SCD: variants seen among roughly 807,000 people sequenced by gnomAD.
The protein encoded by SCD is stearoyl-CoA desaturase, also known as acyl-CoA desaturase.
In SCD, 4 loss-of-function variants were observed where a neutral mutation model predicts 35.7. That is an observed-to-expected ratio of 0.11 (90% CI 0.06 to 0.26). The LOEUF (loss-of-function observed/expected upper bound fraction) is 0.26. Ranked by LOEUF, SCD falls within the 10% of genes least tolerant of loss-of-function variation. SCD has a pLI of 1.00. For synonymous variants in SCD, 150 were observed against 170.2 expected (o/e 0.88, Z 0.92); for missense variants, 282 against 460.7 (o/e 0.61, Z 3.55).
intron 4 of SCD, among the ~76,000 whole-genome samples, chr10:100,355,606 G>A (rs532918942): frequency 3.3e-5 from 5 of 152,342 alleles, no homozygotes; most frequent in South Asian, 4.1e-4. Context: ...TAGAACAAGT[G>A]TAAGAAACCA....
chr10:100,359,354 C>T (rs1441721816), intron 5 of SCD, among the ~76,000 whole-genome samples: 1 of 152,192 alleles, frequency 6.6e-6, no homozygotes, highest in East Asian at 1.9e-4. Flanking sequence ...TAACCTTCTC[C>T]CTTGAGCCTT....
rs1196684004 is a variant in SCD at position 100,356,862 on chromosome 10, T to A, written c.880+98T>A. 1 of 933,030 alleles carries A rather than the reference T, an allele frequency of 1.1e-6. No individual in the cohort carries two copies. The highest frequency in any genetic ancestry group is 2.6e-5 in the East Asian group (1 of 37,904). The allele number at this position is 933,030 out of a possible 1,614,324, so 57.8% of individuals were successfully genotyped here. ...ACTAGATAAATCTGTTTTTTATGGC[T>A]ACTTTGTATCTCAGTTTTTCCACTA... On this transcript the variant is annotated intron_variant, in intron 5 of 5. Transcript: ENST00000370355. This position sits in a 1 kb window ranked among gnomAD's most constrained non-coding sequence, Gnocchi z 4.1.
At chr10:100,349,996 G>A (rs374457787) in intron 2 of SCD, among the ~76,000 whole-genome samples, 1 of 151,994 alleles carries the variant, frequency 6.6e-6, no homozygotes, top group African/African-American at 2.4e-5. Flanking sequence ...AGTTTGACCC[G>A]ATTGCCTCTG....
At position 100,354,636 on chromosome 10, in the gene SCD, A is replaced by G; in HGVS notation, c.647+4A>G. 1 of 1,612,946 alleles carries G rather than the reference A, an allele frequency of 6.2e-7. No homozygotes were observed. The highest frequency in any genetic ancestry group is 8.5e-7 in the Non-Finnish European group (1 of 1,178,942). ...AACTGGTGATGTTCCAGAGGAGGTG[A>G]GTGAAGCCCTGATGGAGGTGGGGAT... On this transcript the variant is annotated splice_donor_region_variant and intron_variant, in intron 4 of 5. Transcript: ENST00000370355.
intron 5 of SCD, among the ~76,000 whole-genome samples, chr10:100,357,542 CCAA>C (rs1274048778): frequency 6.6e-6 from 1 of 152,190 alleles, no homozygotes; most frequent in African/African-American, 2.4e-5. Flanking sequence ...ATCCCTTCCC[CCAA>C]CATGCCTTCA....
At chr10:100,348,863 T>A (rs1849840013) in intron 2 of SCD, among the ~76,000 whole-genome samples, 1 of 152,164 alleles carries the variant, frequency 6.6e-6, no homozygotes, top group Non-Finnish European at 1.5e-5. Flanking sequence ...AAAACTATTT[T>A]GACCTGACCC....
Position 100,356,667 on chromosome 10 carries a change from C to T in SCD, c.783C>T (p.Thr261=), listed in dbSNP as rs191760025. ...GATATGCTGTGGTGCTTAATGCCAC[C>T]TGGCTGGTGAACAGTGCTGCCCACC... is the stretch of plus-strand genomic sequence containing the variant. The part of the protein sequence containing the change: ...FLRYAVVLNA[T]WLVNSAAHLF... The change falls in exon 5 of 6, where the codon ACC becomes ACT. Residue 261 remains threonine, a synonymous_variant. Transcript: ENST00000370355. This position sits in a 1 kb window ranked among gnomAD's most constrained non-coding sequence, Gnocchi z 4.1. 12 of 1,614,234 alleles carry T rather than the reference C, an allele frequency of 7.4e-6. No homozygotes were observed. The East Asian group carries it at 2.0e-4, about 27-fold the overall frequency.
chr10:100,351,750 C>T (rs1849875123), intron 2 of SCD, among the ~76,000 whole-genome samples: 2 of 152,126 alleles, frequency 1.3e-5, no homozygotes, highest in African/African-American at 2.4e-5. Flanking sequence ...AAGAGATCCT[C>T]CCACCTCAAC....
Position 100,348,056 on chromosome 10 carries a change from C to G in SCD, c.28-8C>G, listed in dbSNP as rs759690135. Reference sequence around the variant, plus strand: ...TTCTCCTGACTCTCCTCTTCCTCCCCCTTCCAGATCTCTAGCTCCTATACC... The same window carrying G: ...TTCTCCTGACTCTCCTCTTCCTCCCGCTTCCAGATCTCTAGCTCCTATACC... On this transcript the variant is annotated splice_polypyrimidine_tract_variant and splice_region_variant and intron_variant, in intron 1 of 5. Coordinates refer to ENST00000370355, the MANE Select transcript of SCD (RefSeq NM_005063.5). The G allele has an allele frequency of 3.1e-6, 5 of 1,612,066 alleles. No individual in the cohort carries two copies. The highest frequency in any genetic ancestry group is 4.2e-6 in the Non-Finnish European group (5 of 1,178,950).
In SCD at chr10:100,352,644, C is replaced by T; in HGVS notation, c.441+148C>T. On this transcript the variant is annotated intron_variant, in intron 3 of 5. Coordinates refer to ENST00000370355, the MANE Select transcript of SCD (RefSeq NM_005063.5). This position sits in a 1 kb window ranked among gnomAD's most constrained non-coding sequence, Gnocchi z 4.2. ...TAGTCACCTCAAGTTCCAGTTCAGT[C>T]CTTAAGTCCATAAAGCATGAAGAGA... The T allele has an allele frequency of 9.5e-6, 7 of 739,072 alleles. No homozygotes were observed. Among genetic ancestry groups the T allele is most frequent in the Non-Finnish European group, 1.6e-5 (7 of 442,670 alleles). The allele number at this position is 739,072 out of a possible 1,614,324, so 45.8% of individuals were successfully genotyped here.
At chr10:100,358,617 A>C (rs577732681) in intron 5 of SCD, among the ~76,000 whole-genome samples, 31 of 148,436 alleles carry the variant, frequency 2.1e-4, no homozygotes, top group African/African-American at 7.4e-4. Context: ...AAAAAAAAAA[A>C]GATTTATTTG....
At chr10:100,360,589 G>T in intron 5 of SCD, 145 bp from the exon 6 acceptor site, 1 of 668,758 alleles carries the variant, frequency 1.5e-6, no homozygotes, top group Non-Finnish European at 2.7e-6. Context: ...GGATCTGTTT[G>T]GTTCATATTA....
intron 5 of SCD, 93 bp from the exon 6 acceptor site, chr10:100,360,641 C>T (rs907302819): frequency 9.2e-5 from 95 of 1,035,370 alleles, no homozygotes; most frequent in Non-Finnish European, 6.3e-5. Context: ...CGAGTTTCTC[C>T]CAGGTGTGAG....
At chr10:100,354,074 A>G (rs141964912) in intron 3 of SCD, among the ~76,000 whole-genome samples, 1 of 152,334 alleles carries the variant, frequency 6.6e-6, no homozygotes, top group East Asian at 1.9e-4. Context: ...GGGATTAGGT[A>G]CCCCATGAGG....
chr10:100,356,643 A>G lies in SCD; in HGVS notation c.759A>G (p.Arg253=). 6.2e-7 allele frequency: 1 copy of G among 1,614,212 alleles called. No individual in the cohort carries two copies. The highest frequency in any genetic ancestry group is 8.5e-7 in the Non-Finnish European group (1 of 1,180,050). ...QNSVFVATFL[R]YAVVLNATWL... The stretch of plus-strand genomic sequence containing the variant: ...GTGTGTTCGTTGCCACTTTCTTGCG[A>G]TATGCTGTGGTGCTTAATGCCACCT... Residue 253 remains arginine, a synonymous_variant, in exon 5 of 6, where the codon CGA becomes CGG. Coordinates refer to ENST00000370355, the MANE Select transcript of SCD (RefSeq NM_005063.5). This position sits in a 1 kb window ranked among gnomAD's most constrained non-coding sequence, Gnocchi z 4.1.
intron 2 of SCD, among the ~76,000 whole-genome samples, chr10:100,350,193 G>A (rs910390930): frequency 5.3e-5 from 8 of 152,002 alleles, no homozygotes; most frequent in African/African-American, 1.9e-4. Flanking sequence ...TTAGCTGAAA[G>A]AATGACCATG....
chr10:100,353,175 T>C (rs776766410), intron 3 of SCD, among the ~76,000 whole-genome samples: 11 of 152,318 alleles, frequency 7.2e-5, no homozygotes, highest in Admixed American at 2.6e-4. Flanking sequence ...TAGGTACTAT[T>C]ATCCCCATTT....
In SCD at chr10:100,356,845, A is replaced by C. The variant is rs1215751797; in HGVS notation, c.880+81A>C. The C allele has an allele frequency of 6.1e-6, 7 of 1,156,594 alleles. No homozygotes were observed. The Admixed American group carries it at 1.4e-4, about 24-fold the overall frequency. The allele number at this position is 1,156,594 out of a possible 1,614,324, so 71.6% of individuals were successfully genotyped here. A position where few individuals can be genotyped will look rare whatever the true frequency, so the allele number is the denominator to read the frequency against. Reference sequence around the variant, plus strand: ...GGCTAGGAGCCAGAAAAACTAGATAAATCTGTTTTTTATGGCTACTTTGTA... The same window carrying C: ...GGCTAGGAGCCAGAAAAACTAGATACATCTGTTTTTTATGGCTACTTTGTA... On this transcript the variant is annotated intron_variant, in intron 5 of 5. Coordinates refer to ENST00000370355, the MANE Select transcript of SCD (RefSeq NM_005063.5). The surrounding 1 kb of genome is among the most constrained non-coding windows in gnomAD (Gnocchi z 4.1).
chr10:100,354,544 G>T lies in SCD; in HGVS notation c.559G>T (p.Val187Leu). The change falls in exon 4 of 6, where the codon GTG (valine) becomes TTG (leucine). Residue 187 changes from valine (V) to leucine (L), a missense_variant. Physicochemically the swap from Val to Leu is conservative, Grantham distance 32 (BLOSUM62 1). This residue lies in a region of SCD where 205 missense variants were observed against 372.3 expected (regional missense o/e 0.55). Transcript: ENST00000370355. ...FFFSHVGWLL[V>L]RKHPAVKEKG... is the part of the protein sequence containing the mutation. Reference sequence around the variant, plus strand: ...CTTCTCTCACGTGGGTTGGCTGCTTGTGCGCAAACACCCAGCTGTCAAAGA... The same window carrying T: ...CTTCTCTCACGTGGGTTGGCTGCTTTTGCGCAAACACCCAGCTGTCAAAGA... 6.2e-7 allele frequency: 1 copy of T among 1,614,128 alleles called. No homozygotes were observed. Among genetic ancestry groups the T allele is most frequent in the Non-Finnish European group, 8.5e-7 (1 of 1,180,010 alleles).
Sources: gnomAD v4.1 joint callset for allele counts (sites outside exome capture counted in the v4.1 genomes callset) on GRCh38, gnomAD v4.1.1 for gene constraint, gnomAD v4.1.1 regional missense constraint, Gnocchi (gnomAD v3.1) non-coding constraint, MANE v1.5 for transcripts, NCBI Gene and HGNC (gene_info 2026-07-23, HGNC 2026-07-21) for gene names.